BACE2: variants seen among roughly 807,000 people sequenced by gnomAD.
The protein encoded by BACE2 is beta-secretase 2.
A neutral mutation model predicts 46.2 loss-of-function variants in BACE2; 17 were observed. The ratio of observed to expected loss-of-function variants is 0.37; its 90% CI spans 0.25 to 0.55. The LOEUF is 0.55. Ranked by LOEUF, BACE2 falls within the 20% of genes least tolerant of loss-of-function variation. The probability of loss-of-function intolerance (pLI) is 0.82; values close to 1 mark genes in which losing one functional copy is unlikely to be tolerated. For synonymous variants in BACE2, 277 were observed against 295.9 expected (o/e 0.94, Z 0.66); for missense variants, 595 against 698.1 (o/e 0.85, Z 1.66).
At chr21:41,244,393 C>T (rs890209420) in intron 5 of BACE2, among the ~76,000 whole-genome samples, 5 of 152,122 alleles carry the variant, frequency 3.3e-5, no homozygotes, top group African/African-American at 1.2e-4. Flanking sequence ...GGTGGGTCCA[C>T]TTTATAAGAT....
chr21:41,257,441 T>C, intron 8 of BACE2, 115 bp downstream of exon 8: 1 of 1,193,366 alleles, frequency 8.4e-7, no homozygotes, highest in Admixed American at 2.4e-5. Context: ...TTTCACTCAT[T>C]CCTATCACCA....
At chr21:41,206,167 G>A (rs1347773345) in intron 1 of BACE2, among the ~76,000 whole-genome samples, 2 of 152,324 alleles carry the variant, frequency 1.3e-5, no homozygotes, top group South Asian at 4.1e-4. Flanking sequence ...CTGGAGACTG[G>A]AAACCCAAGG....
chr21:41,237,559 A>G lies in BACE2; in HGVS notation c.448A>G (p.Thr150Ala). Reference protein sequence around the residue: ...SKGFDVTVKYTQGSWTGFVGE... With the variant: ...SKGFDVTVKYAQGSWTGFVGE... ...GGGCTTTGACGTCACAGTGAAGTAC[A>G]CACAAGGAAGCTGGACGGGCTTCGT... The change falls in exon 3 of 9, where the codon ACA (threonine) becomes GCA (alanine). Residue 150 changes from threonine to alanine, a missense_variant. Transcript: ENST00000330333. 6.2e-7 allele frequency: 1 copy of G among 1,614,262 alleles called. No individual in the cohort carries two copies. Among genetic ancestry groups the G allele is most frequent in the Non-Finnish European group, 8.5e-7 (1 of 1,180,048 alleles).
intron 1 of BACE2, among the ~76,000 whole-genome samples, chr21:41,205,291 A>G (rs1986090990): frequency 6.6e-6 from 1 of 152,252 alleles, no homozygotes; most frequent in South Asian, 2.1e-4. Context: ...TTCAACACTT[A>G]GAAATTAAGT....
intron 4 of BACE2, among the ~76,000 whole-genome samples, chr21:41,242,810 G>A (rs953410938): frequency 6.6e-6 from 1 of 152,158 alleles, no homozygotes; most frequent in African/African-American, 2.4e-5. Context: ...CTTTGGATAA[G>A]AGAAACCTCC....
rs1336363884 is a variant in BACE2 at position 41,226,385 on chromosome 21, G to A, written c.401+31G>A. 4 of 1,580,522 alleles carry A rather than the reference G, an allele frequency of 2.5e-6. No individual in the cohort carries two copies. The South Asian group carries it at 4.6e-5, about 18-fold the overall frequency. ...CGCTGGCCCCTTGGCTGGTGTGCTGGGCCGGGGCACTGCATGATCAACATG... is the reference window on the plus strand; with the variant it reads ...CGCTGGCCCCTTGGCTGGTGTGCTGAGCCGGGGCACTGCATGATCAACATG... On this transcript the variant is annotated intron_variant, in intron 2 of 8. Transcript: ENST00000330333.
At chr21:41,229,096 T>G (rs1986903320) in intron 2 of BACE2, among the ~76,000 whole-genome samples, 1 of 152,120 alleles carries the variant, frequency 6.6e-6, no homozygotes, top group Non-Finnish European at 1.5e-5. Context: ...CCCCAAAGTT[T>G]CCAAAACTTC....
intron 6 of BACE2, 137 bp downstream of exon 6, chr21:41,246,200 T>G: frequency 2.0e-6 from 1 of 508,070 alleles, no homozygotes; most frequent in South Asian, 3.5e-5. Flanking sequence ...ATTTGTATAT[T>G]TTATATGTAA....
At chr21:41,223,766 A>G (rs1317388427) in intron 1 of BACE2, among the ~76,000 whole-genome samples, 1 of 152,206 alleles carries the variant, frequency 6.6e-6, no homozygotes, top group Non-Finnish European at 1.5e-5. Flanking sequence ...AAAGATGACT[A>G]TTAGCCAGCC....
chr21:41,258,724 A>G (rs1987853552), intron 8 of BACE2, among the ~76,000 whole-genome samples: 1 of 152,188 alleles, frequency 6.6e-6, no homozygotes, highest in African/African-American at 2.4e-5. Flanking sequence ...AAATCATCCA[A>G]CCCAGTGTAT....
At chr21:41,179,381 G>T (rs749298226) in intron 1 of BACE2, 1 of 1,323,456 alleles carries the variant, frequency 7.6e-7, no homozygotes, top group Non-Finnish European at 1.0e-6. Context: ...GAGGAGTGAG[G>T]GTATCCAGGG....
chr21:41,245,901 C>A, intron 5 of BACE2, 61 bp from the exon 6 acceptor site: 2 of 1,340,650 alleles, frequency 1.5e-6, no homozygotes, highest in Non-Finnish European at 1.0e-6. Context: ...CGGCTAGAGC[C>A]ACGTGGGGCG....
intron 1 of BACE2, among the ~76,000 whole-genome samples, chr21:41,187,532 A>G (rs1215248766): frequency 6.6e-6 from 1 of 152,252 alleles, no homozygotes; most frequent in Admixed American, 6.5e-5. Context: ...CCCAGGAATC[A>G]CAAAACAGAG....
chr21:41,244,015 G>C (rs896136455), intron 5 of BACE2, among the ~76,000 whole-genome samples: 1 of 152,182 alleles, frequency 6.6e-6, no homozygotes, highest in African/African-American at 2.4e-5. Context: ...TAGTGCTAAA[G>C]TGGCCACATA....
intron 1 of BACE2, chr21:41,179,883 G>A (rs1309792499): frequency 5.2e-6 from 2 of 383,566 alleles, no homozygotes; most frequent in South Asian, 2.1e-5. Context: ...GATGATCCCA[G>A]TGATGCAGGA....
Position 41,168,440 on chromosome 21 carries a change from C to A in BACE2, c.177C>A (p.Gly59=). The A allele has an allele frequency of 1.4e-6, 2 of 1,397,904 alleles. No individual in the cohort carries two copies. Among genetic ancestry groups the A allele is most frequent in the South Asian group, 1.6e-5 (1 of 60,730 alleles). 86.6% of individuals were successfully genotyped at this position (1,397,904 alleles called of 1,614,324 possible). A position where few individuals can be genotyped will look rare whatever the true frequency, so the allele number is the denominator to read the frequency against. Residue 59 remains glycine, a synonymous_variant, in exon 1 of 9, where the codon GGC becomes GGA. Coordinates refer to ENST00000330333, the MANE Select transcript of BACE2 (RefSeq NM_012105.5). ...CCCCTGCCGAGCGCCACGCCGACGG[C>A]TTGGCGCTCGCCCTGGAGCCTGCCC... The part of the protein sequence containing the change: ...PGTPAERHAD[G]LALALEPALA...
At chr21:41,229,008 T>C (rs1986899835) in intron 2 of BACE2, among the ~76,000 whole-genome samples, 1 of 152,182 alleles carries the variant, frequency 6.6e-6, no homozygotes, top group Non-Finnish European at 1.5e-5. Flanking sequence ...TGGAAAGTGG[T>C]GTGGGATGGG....
intron 8 of BACE2, among the ~76,000 whole-genome samples, chr21:41,271,208 G>A (rs1012202195): frequency 1.2e-4 from 18 of 148,190 alleles, no homozygotes; most frequent in Admixed American, 5.3e-4. Context: ...TGAGTTTCCT[G>A]TAGGGAGAAT....
chr21:41,213,412 G>A lies in BACE2; in HGVS notation c.313-12854G>A, dbSNP rs539778656. Among the ~76,000 whole-genome samples, 7 of 152,318 alleles carry A rather than the reference G, an allele frequency of 4.6e-5. No individual in the cohort carries two copies. In the South Asian group the frequency reaches 1.4e-3, roughly 32 times the overall value. ...CTCAGCCAGCAGGCAGAAGGGGTGA[G>A]AGGTGGTTTCTACTTGCATCAAAAC... On this transcript the variant is annotated intron_variant, in intron 1 of 8. Coordinates refer to ENST00000330333, the MANE Select transcript of BACE2 (RefSeq NM_012105.5).
Sources: allele counts gnomAD v4.1 joint callset (sites outside exome capture counted in the v4.1 genomes callset), GRCh38; gene constraint gnomAD v4.1.1; transcripts MANE v1.5; gene names NCBI Gene and HGNC (gene_info 2026-07-23, HGNC 2026-07-21).